ENOX2: variants seen among roughly 807,000 people sequenced by gnomAD.
The protein encoded by ENOX2 is APK1 antigen.
Under a neutral mutation model 45.0 loss-of-function variants are expected in ENOX2, and 36 were observed. The ratio of observed to expected loss-of-function variants is 0.80; its 90% CI spans 0.61 to 1.06. The LOEUF (loss-of-function observed/expected upper bound fraction) is 1.06, where lower values mean the gene tolerates loss of function less well. Ranked by LOEUF, ENOX2 falls within the 50% of genes least tolerant of loss-of-function variation. The pLI is 0.00. For missense variants in ENOX2, 423 were observed against 462.5 expected, an observed-to-expected ratio of 0.91 and a Z score of 0.78; for synonymous variants, 174 against 152.3, an observed-to-expected ratio of 1.14 and a Z score of -1.05.
intron 2 of ENOX2, among the ~76,000 whole-genome samples, chrX:130,855,199 A>G (rs1401435883): frequency 2.7e-5 from 3 of 111,979 alleles, no homozygotes; most frequent in Non-Finnish European, 5.6e-5. Context: ...GTGAGAGGCT[A>G]TAATTAATAC....
chrX:130,835,801 T>A (rs1182948986), intron 2 of ENOX2, among the ~76,000 whole-genome samples: 1 of 111,874 alleles, frequency 8.9e-6, no homozygotes, highest in East Asian at 2.8e-4. Context: ...ATTACTCTAC[T>A]GAAATAAGTT....
chrX:130,894,992 C>T (rs754942778), intron 2 of ENOX2, among the ~76,000 whole-genome samples: 1 of 111,586 alleles, frequency 9.0e-6, no homozygotes, highest in South Asian at 3.8e-4. Flanking sequence ...TGTCCACCCC[C>T]AGCTGTAATT....
chrX:130,712,328 G>T (rs1415971781), intron 3 of ENOX2, among the ~76,000 whole-genome samples: 4 of 111,636 alleles, frequency 3.6e-5, no homozygotes, highest in Non-Finnish European at 7.5e-5. Context: ...TCAGGTAGTT[G>T]TCACACTGAC....
In ENOX2 at chrX:130,670,141, A is replaced by G; in HGVS notation, c.518T>C (p.Val173Ala). 3 of 1,211,324 alleles carry G rather than the reference A, an allele frequency of 2.5e-6. No individual in the cohort carries two copies. The highest frequency in any genetic ancestry group is 3.4e-6 in the Non-Finnish European group (3 of 895,322). ...TDKKDTGRLH[V>A]DFAQARDDLY... ...GTCATCTCGAGCCTGTGCGAAATCA[A>G]CGTGGAGTCTGCCTGTGTCCTTCTT... is the stretch of plus-strand genomic sequence containing the variant. The change falls in exon 7 of 15, where the codon GTT becomes GCT. Residue 173 changes from valine (V) to alanine (A), a missense_variant. Val to Ala is a moderately conservative substitution (Grantham distance 64, BLOSUM62 0). Transcript: ENST00000394363.
rs2037967703 is a variant in ENOX2 at position 130,703,793 on chromosome X, AT to A, written c.-38-540del. Among the ~76,000 whole-genome samples, 4 of 111,778 alleles carry A rather than the reference AT, an allele frequency of 3.6e-5. No homozygotes were observed. In the South Asian group the frequency reaches 1.1e-3, roughly 32 times the overall value. On this transcript the variant is annotated intron_variant, in intron 3 of 14. Coordinates refer to ENST00000394363, the MANE Select transcript of ENOX2 (RefSeq NM_006375.4). ...AATCAGCAGACATCAAATTAGCTGA[AT>A]GACAATTTTGGGGGTTAGGGGAACA...
chrX:130,766,073 A>G (rs1449989873), intron 3 of ENOX2, among the ~76,000 whole-genome samples: 1 of 111,705 alleles, frequency 9.0e-6, no homozygotes, highest in Non-Finnish European at 1.9e-5. Context: ...GTCTTAAGGC[A>G]TTAGTACTTT....
intron 2 of ENOX2, among the ~76,000 whole-genome samples, chrX:130,878,894 T>C (rs1043386608): frequency 2.7e-5 from 3 of 112,670 alleles, no homozygotes; most frequent in Non-Finnish European, 3.7e-5. Context: ...TGTTTGATAT[T>C]TATAACCAAG....
intron 3 of ENOX2, among the ~76,000 whole-genome samples, chrX:130,773,792 A>T (rs2039794866): frequency 8.9e-6 from 1 of 112,421 alleles, no homozygotes; most frequent in African/African-American, 3.2e-5. Flanking sequence ...AAAATATTTT[A>T]AAATTAATTA....
At chrX:130,774,556 T>C (rs1042425336) in intron 3 of ENOX2, among the ~76,000 whole-genome samples, 3 of 112,303 alleles carry the variant, frequency 2.7e-5, no homozygotes, top group African/African-American at 6.5e-5. Context: ...AGGTGTTCCA[T>C]AGGTATTAGC....
At chrX:130,840,808 G>A (rs2078003459) in intron 2 of ENOX2, among the ~76,000 whole-genome samples, 1 of 111,229 alleles carries the variant, frequency 9.0e-6, no homozygotes, top group Non-Finnish European at 1.9e-5. Context: ...TTGAGGCTGT[G>A]GTGAGCTGTA....
At chrX:130,682,605 A>AAAG in intron 5 of ENOX2, among the ~76,000 whole-genome samples, 1 of 105,277 alleles carries the variant, frequency 9.5e-6, no homozygotes, top group African/African-American at 3.5e-5. Flanking sequence ...AAAAAAAAAA[A>AAAG]AAAAAAAAAA....
intron 9 of ENOX2, among the ~76,000 whole-genome samples, chrX:130,663,591 C>T (rs2036755709): frequency 9.2e-6 from 1 of 108,573 alleles, no homozygotes; most frequent in Non-Finnish European, 1.9e-5. Context: ...CAACCAGAGG[C>T]TCCCTTCCTC....
At chrX:130,668,807 T>C (rs775905590) in intron 7 of ENOX2, among the ~76,000 whole-genome samples, 3 of 112,298 alleles carry the variant, frequency 2.7e-5, no homozygotes, top group Non-Finnish European at 3.8e-5. Flanking sequence ...ATATAGACTT[T>C]ATGTTGATGC....
chrX:130,887,447 C>T (rs2078926289), intron 2 of ENOX2, among the ~76,000 whole-genome samples: 1 of 109,687 alleles, frequency 9.1e-6, no homozygotes, highest in African/African-American at 3.3e-5. Flanking sequence ...AGCCGAGCAA[C>T]TGAGCTTCAG....
At chrX:130,833,011 T>TCACACACA (rs10568834) in intron 2 of ENOX2, among the ~76,000 whole-genome samples, 77 of 82,980 alleles carry the variant, frequency 9.3e-4, no homozygotes, top group Middle Eastern at 0.012. Context: ...TCATGTATAA[T>TCACACACA]CACACACACA....
intron 2 of ENOX2, among the ~76,000 whole-genome samples, chrX:130,886,470 T>C (rs1377969733): frequency 8.9e-6 from 1 of 112,315 alleles, no homozygotes; most frequent in Non-Finnish European, 1.9e-5. Context: ...CTAACTGCTG[T>C]GTAAGAAGCC....
At chrX:130,625,537 CTG>C in intron 14 of ENOX2, 92 bp from the exon 15 acceptor site, 1 of 965,954 alleles carries the variant, frequency 1.0e-6, no homozygotes, top group Non-Finnish European at 1.4e-6. Flanking sequence ...GCTGATGTGT[CTG>C]TGTGTGTGCT....
rs1603344970 is a variant in ENOX2, at chrX:130,771,374, G to A, written c.-39+12173C>T. The stretch of plus-strand genomic sequence containing the variant: ...CTCCTTTTGGCCTCAACTAGCTTGG[G>A]ACCTTGGACAAGTCACTTAGGCTGA... On this transcript the variant is annotated intron_variant, in intron 3 of 14. Coordinates refer to ENST00000394363, the MANE Select transcript of ENOX2 (RefSeq NM_006375.4). Among the ~76,000 whole-genome samples, 9 of 112,159 alleles carry A rather than the reference G, an allele frequency of 8.0e-5. 2 individuals are homozygous for A. Among genetic ancestry groups the A allele is most frequent in the Admixed American group, 7.5e-4 (8 of 10,627 alleles).
At chrX:130,737,634 C>T (rs2038893177) in intron 3 of ENOX2, among the ~76,000 whole-genome samples, 1 of 112,115 alleles carries the variant, frequency 8.9e-6, no homozygotes, top group Non-Finnish European at 1.9e-5. Context: ...GGAACCAGAG[C>T]CAACTACTTG....
Sources: gnomAD v4.1 joint callset for allele counts (sites outside exome capture counted in the v4.1 genomes callset) on GRCh38, gnomAD v4.1.1 for gene constraint, MANE v1.5 for transcripts, NCBI Gene and HGNC (gene_info 2026-07-23, HGNC 2026-07-21) for gene names.